Variants in STAG1 observed in about 807,000 individuals in gnomAD.
The protein encoded by STAG1 is cohesin subunit SA-1.
Under a neutral mutation model 170.9 loss-of-function variants are expected in STAG1, and 26 were observed. That is an observed-to-expected ratio of 0.15 (90% confidence interval 0.11 to 0.21). The LOEUF is 0.21. Ranked by LOEUF, STAG1 falls within the 10% of genes least tolerant of loss-of-function variation. The pLI is 1.00. For missense variants in STAG1, 964 were observed against 1,509.5 expected, an observed-to-expected ratio of 0.64 and a Z score of 5.99; for synonymous variants, 514 against 497.7, an observed-to-expected ratio of 1.03 and a Z score of -0.44.
chr3:136,460,217 T>C (rs1292635659), intron 13 of STAG1, among the ~76,000 whole-genome samples: 1 of 152,188 alleles, frequency 6.6e-6, no homozygotes, highest in South Asian at 2.1e-4. Context: ...GTAAAAACTA[T>C]TATACACATC....
At chr3:136,745,710 T>C (rs1030701259) in intron 1 of STAG1, among the ~76,000 whole-genome samples, 1 of 152,196 alleles carries the variant, frequency 6.6e-6, no homozygotes, top group African/African-American at 2.4e-5. Flanking sequence ...CACAGCCCAG[T>C]GGTTGGGGAC....
At chr3:136,400,590 C>CA (rs1560088454) in intron 21 of STAG1, among the ~76,000 whole-genome samples, 1 of 151,386 alleles carries the variant, frequency 6.6e-6, no homozygotes, top group Admixed American at 6.6e-5. Context: ...GGCGGGAGTG[C>CA]AATGGCACTG....
Position 136,473,548 on chromosome 3 carries a change from G to A in STAG1, c.1116C>T (p.Asn372=). 6.2e-7 allele frequency: 1 copy of A among 1,605,344 alleles called. No individual in the cohort carries two copies. Among genetic ancestry groups the A allele is most frequent in the Non-Finnish European group, 8.5e-7 (1 of 1,173,828 alleles). ...CATTCTTGATGCTTACCTTGAATCG[G>A]TTAGTGAATAGTTCCAATTTGGGGA... The part of the protein sequence containing the change: ...ELFPKLELFT[N]RFKDRIVSMT... Residue 372 remains asparagine, a synonymous_variant, in exon 11 of 34, where the codon AAC becomes AAT. Transcript: ENST00000383202.
chr3:136,467,824 G>T (rs1436995344), intron 12 of STAG1, among the ~76,000 whole-genome samples: 1 of 152,182 alleles, frequency 6.6e-6, no homozygotes, highest in South Asian at 2.1e-4. Flanking sequence ...AGACCACAGT[G>T]CAATCAAACT....
At position 136,557,210 on chromosome 3, in the gene STAG1, C is replaced by T. The variant is rs189881585; in HGVS notation, c.394+11555G>A. On this transcript the variant is annotated intron_variant, in intron 5 of 33. Coordinates refer to ENST00000383202, the MANE Select transcript of STAG1 (RefSeq NM_005862.3). Reference sequence around the variant, plus strand: ...TCAAGATCGCACCACTGCACTCCAGCCTGGGTTACAGGGTGAGACACCATT... The same window carrying T: ...TCAAGATCGCACCACTGCACTCCAGTCTGGGTTACAGGGTGAGACACCATT... Among the ~76,000 whole-genome samples, 50 of 152,052 alleles carry T rather than the reference C, an allele frequency of 3.3e-4. No individual in the cohort carries two copies. The East Asian group carries it at 7.6e-3, about 23-fold the overall frequency.
intron 2 of STAG1, among the ~76,000 whole-genome samples, chr3:136,624,384 G>A (rs1940001558): frequency 6.6e-6 from 1 of 152,300 alleles, no homozygotes; most frequent in Non-Finnish European, 1.5e-5. Context: ...ACAGGTGTGA[G>A]CCACCGTGCC....
At chr3:136,685,316 C>T (rs111258210) in intron 1 of STAG1, among the ~76,000 whole-genome samples, 2,787 of 147,354 alleles carry the variant, frequency 0.019, 37 homozygotes, top group Non-Finnish European at 0.03. Context: ...ACTTCCTCTC[C>T]AAAAACAAAC....
chr3:136,509,835 T>C (rs564389014), intron 7 of STAG1, among the ~76,000 whole-genome samples: 1 of 152,304 alleles, frequency 6.6e-6, no homozygotes, highest in Non-Finnish European at 1.5e-5. Context: ...AAAAACTGCA[T>C]TTATATTTAG....
At chr3:136,637,113 T>C (rs1940595118) in intron 1 of STAG1, among the ~76,000 whole-genome samples, 2 of 152,178 alleles carry the variant, frequency 1.3e-5, no homozygotes, top group Non-Finnish European at 2.9e-5. Flanking sequence ...TATAACAAAA[T>C]GATATTTGAC....
chr3:136,668,602 A>C (rs1941888797), intron 1 of STAG1, among the ~76,000 whole-genome samples: 1 of 151,990 alleles, frequency 6.6e-6, no homozygotes, highest in African/African-American at 2.4e-5. Context: ...CCAACTGTGA[A>C]AGCAGAGGAG....
chr3:136,385,670 TCA>T (rs2086854403), intron 22 of STAG1, among the ~76,000 whole-genome samples: 1 of 152,158 alleles, frequency 6.6e-6, no homozygotes, highest in Non-Finnish European at 1.5e-5. Context: ...TAAAATAGTT[TCA>T]GTTTATCAGT....
rs1937683011 is a variant in STAG1, at chr3:136,377,705, A to G, written c.2325T>C (p.Val775=). The part of the protein sequence containing the change: ...LRKTVKSFLA[V]CQQCLSNVNT... ...TAACATTAGACAGGCACTGCTGGCA[A>G]ACAGCCAAAAAGGATTTCACCGTTT... The change falls in exon 23 of 34, where the codon GTT becomes GTC. Residue 775 remains valine, a synonymous_variant. Transcript: ENST00000383202. The G allele has an allele frequency of 6.2e-7, 1 of 1,614,060 alleles. No individual in the cohort carries two copies. The highest frequency in any genetic ancestry group is 8.5e-7 in the Non-Finnish European group (1 of 1,180,000).
chr3:136,526,139 C>G (rs955827882), intron 6 of STAG1, among the ~76,000 whole-genome samples: 3 of 152,224 alleles, frequency 2.0e-5, no homozygotes, highest in African/African-American at 4.8e-5. Context: ...GAGTTCAATT[C>G]CTGGATATCC....
chr3:136,524,662 C>T (rs1032230425), intron 6 of STAG1, among the ~76,000 whole-genome samples: 4 of 152,140 alleles, frequency 2.6e-5, no homozygotes, highest in African/African-American at 9.7e-5. Flanking sequence ...GAGGGCATCC[C>T]TGTCTTGTGC....
Position 136,602,223 on chromosome 3 carries a change from A to G in STAG1, c.297+2086T>C, listed in dbSNP as rs545750332. ...GTAAAGCCCCGTCTCTACTAAAAAT[A>G]CAAAAATTAGCTGGGCATGGTGGTG... On this transcript the variant is annotated intron_variant, in intron 4 of 33. Coordinates refer to ENST00000383202, the MANE Select transcript of STAG1 (RefSeq NM_005862.3). Among the ~76,000 whole-genome samples the G allele has an allele frequency of 2.8e-4, 43 of 152,108 alleles. 1 individual carries two copies. The highest frequency in any genetic ancestry group is 3.4e-3 in the Middle Eastern group (1 of 294).
chr3:136,737,338 G>A (rs572509867), intron 1 of STAG1: 228 of 376,480 alleles, frequency 6.1e-4, no homozygotes, highest in Non-Finnish European at 1.0e-3. Flanking sequence ...TCCTGACCTC[G>A]TGATCCACCC....
chr3:136,461,019 G>C (rs1162501801), intron 13 of STAG1, among the ~76,000 whole-genome samples: 1 of 152,144 alleles, frequency 6.6e-6, no homozygotes, highest in African/African-American at 2.4e-5. Flanking sequence ...GGGACACAAA[G>C]ATAGTTTAAC....
At chr3:136,341,340 T>G (rs2108257494) in intron 31 of STAG1, 101 bp downstream of exon 31, 2 of 754,244 alleles carry the variant, frequency 2.7e-6, no homozygotes, top group East Asian at 5.0e-5. Context: ...AATTATAATT[T>G]TAACTCCTAA....
At chr3:136,552,521 A>G (rs1163905371) in intron 5 of STAG1, among the ~76,000 whole-genome samples, 2 of 152,162 alleles carry the variant, frequency 1.3e-5, no homozygotes, top group South Asian at 4.1e-4. Context: ...AAAAGCAGAA[A>G]TTCAATATAT....
Sources: gnomAD v4.1 joint callset for allele counts (sites outside exome capture counted in the v4.1 genomes callset) on GRCh38, gnomAD v4.1.1 for gene constraint, MANE v1.5 for transcripts, NCBI Gene and HGNC (gene_info 2026-07-23, HGNC 2026-07-21) for gene names.